PRELID2: variants seen among roughly 807,000 people sequenced by gnomAD.
PRELID2 encodes the protein PRELI domain containing 2.
Under a neutral mutation model 28.4 loss-of-function variants are expected in PRELID2, and 25 were observed. The ratio of observed to expected loss-of-function variants is 0.88; its 90% confidence interval spans 0.64 to 1.23. PRELID2 has a LOEUF of 1.23. Ranked by LOEUF, PRELID2 falls within the 50% of genes most tolerant of loss-of-function variation. The pLI is 0.00. For missense variants in PRELID2, 201 were observed against 214.4 expected, an observed-to-expected ratio of 0.94 and a Z score of 0.39; for synonymous variants, 76 against 71.6, an observed-to-expected ratio of 1.06 and a Z score of -0.31.
the PRELID2 span, among the ~76,000 whole-genome samples, chr5:145,323,755 G>A: frequency 1.3e-5 from 2 of 152,030 alleles, no homozygotes; most frequent in Non-Finnish European, 2.9e-5. Flanking sequence ...TAGGATAATG[G>A]CCTCCAGCTC....
chr5:145,255,809 T>C, the PRELID2 span, among the ~76,000 whole-genome samples: 1 of 149,516 alleles, frequency 6.7e-6, no homozygotes, highest in Admixed American at 6.7e-5. Context: ...TTATTAAAAC[T>C]TAAACACAGA....
rs552746530 is a variant in PRELID2 at position 145,596,099 on chromosome 5, C to CAAAAAAAAAAAAAAAA, written n.71-122800_71-122785dup. ...TGGGTGACAGAGTGAGAGCCTGTCTCAAAAAAAAAAAAAAAAAAAAGTCTG... is the reference window on the plus strand; with the variant it reads ...TGGGTGACAGAGTGAGAGCCTGTCTCAAAAAAAAAAAAAAAAAAAAAAAAAAAAAAAAAAAAGTCTG... On this transcript the variant is annotated intron_variant and non_coding_transcript_variant, in intron 1 of 2. Transcript: ENST00000510259. 6.8e-4 allele frequency among the ~76,000 whole-genome samples: 30 copies of CAAAAAAAAAAAAAAAA among 43,962 alleles called. 1 individual carries two copies. The highest frequency in any genetic ancestry group is 2.3e-3 in the African/African-American group (24 of 10,396). 28.8% of individuals were successfully genotyped at this position (43,962 alleles called of 152,430 possible).
At position 145,518,092 on chromosome 5, in the gene PRELID2, T is replaced by C. The variant is rs372074068; in HGVS notation, n.71-44777A>G. The stretch of plus-strand genomic sequence containing the variant: ...CCACCATGGCACATGTATCCCTATG[T>C]AACAAACCTGCACATTTTGCAAATG... On this transcript the variant is annotated intron_variant and non_coding_transcript_variant, in intron 1 of 2. Coordinates refer to the PRELID2 transcript ENST00000510259. Among the ~76,000 whole-genome samples the C allele has an allele frequency of 6.6e-5, 10 of 151,540 alleles. No homozygotes were observed. The East Asian group carries it at 1.6e-3, about 24-fold the overall frequency.
intron 1 of PRELID2, among the ~76,000 whole-genome samples, chr5:145,737,002 G>C (rs963140027): frequency 6.6e-6 from 1 of 152,080 alleles, no homozygotes; most frequent in Non-Finnish European, 1.5e-5. Flanking sequence ...GAATTATTTA[G>C]AGGGTGGTGA....
intron 1 of PRELID2, among the ~76,000 whole-genome samples, chr5:145,726,283 C>CAGAA (rs929308519): frequency 3.0e-5 from 4 of 133,756 alleles, no homozygotes; most frequent in African/African-American, 1.2e-4. Context: ...GAGAAAGAGA[C>CAGAA]AGAAAGAAAG....
the PRELID2 span, among the ~76,000 whole-genome samples, chr5:145,414,604 T>C: frequency 4.6e-5 from 7 of 152,242 alleles, no homozygotes; most frequent in African/African-American, 7.2e-5. Context: ...AGATATATAG[T>C]AGGCCTTCAA....
the PRELID2 span, among the ~76,000 whole-genome samples, chr5:145,315,887 C>T: frequency 1.2e-4 from 18 of 152,242 alleles, 1 homozygote; most frequent in Admixed American, 9.8e-4. Context: ...TAAACATATA[C>T]AATTTTGTAT....
At chr5:145,809,346 C>G (rs1180066753) in intron 4 of PRELID2, among the ~76,000 whole-genome samples, 2 of 151,632 alleles carry the variant, frequency 1.3e-5, no homozygotes, top group African/African-American at 4.8e-5. Flanking sequence ...CCGGCCCCTT[C>G]ATCAAGTCTT....
At chr5:145,250,645 TG>T in the PRELID2 span, among the ~76,000 whole-genome samples, 2 of 152,164 alleles carry the variant, frequency 1.3e-5, no homozygotes, top group Admixed American at 6.6e-5. Context: ...GGTTAATAAG[TG>T]GAATAAAGGT....
At chr5:145,608,721 G>A (rs934261576) in intron 1 of PRELID2, among the ~76,000 whole-genome samples, 2 of 152,036 alleles carry the variant, frequency 1.3e-5, no homozygotes, top group African/African-American at 2.4e-5. Flanking sequence ...TGTGTCTTAG[G>A]GATGGTCATC....
chr5:145,710,751 A>G (rs1755671293), intron 1 of PRELID2, among the ~76,000 whole-genome samples: 1 of 152,236 alleles, frequency 6.6e-6, no homozygotes, highest in Admixed American at 6.5e-5. Context: ...TTTCATCTGC[A>G]TGCCAAGTAG....
chr5:145,244,191 G>A, the PRELID2 span, among the ~76,000 whole-genome samples: 1 of 152,060 alleles, frequency 6.6e-6, no homozygotes, highest in Non-Finnish European at 1.5e-5. Flanking sequence ...CTGACTTCAA[G>A]TGATCCACCC....
At chr5:145,681,046 G>T (rs1754925052) in intron 1 of PRELID2, among the ~76,000 whole-genome samples, 1 of 152,202 alleles carries the variant, frequency 6.6e-6, no homozygotes, top group Non-Finnish European at 1.5e-5. Context: ...GCTGGGGTTG[G>T]GATGCTTCTG....
the PRELID2 span, among the ~76,000 whole-genome samples, chr5:145,433,691 G>A: frequency 6.6e-6 from 1 of 152,042 alleles, no homozygotes; most frequent in Non-Finnish European, 1.5e-5. Context: ...CACCAGCAGA[G>A]GTTGGCCAGC....
chr5:145,532,859 C>T (rs1752666541), intron 1 of PRELID2, among the ~76,000 whole-genome samples: 1 of 152,150 alleles, frequency 6.6e-6, no homozygotes, highest in South Asian at 2.1e-4. Flanking sequence ...TATCCATTCA[C>T]CTGTCGATGC....
At chr5:145,621,161 T>A (rs1753768841) in intron 1 of PRELID2, among the ~76,000 whole-genome samples, 1 of 152,186 alleles carries the variant, frequency 6.6e-6, no homozygotes, top group Admixed American at 6.5e-5. Flanking sequence ...GATATACAAA[T>A]GGCTAAGAAG....
At chr5:145,651,266 G>A (rs920879892) in intron 1 of PRELID2, among the ~76,000 whole-genome samples, 5 of 152,178 alleles carry the variant, frequency 3.3e-5, no homozygotes, top group South Asian at 4.1e-4. Context: ...CTGGAAGCTC[G>A]AACTGGGTGG....
the PRELID2 span, among the ~76,000 whole-genome samples, chr5:145,402,351 A>G: frequency 6.6e-6 from 1 of 152,206 alleles, no homozygotes; most frequent in Non-Finnish European, 1.5e-5. Flanking sequence ...GAGATACTTA[A>G]GCACTCATAC....
At chr5:145,333,919 A>T in the PRELID2 span, among the ~76,000 whole-genome samples, 1 of 151,918 alleles carries the variant, frequency 6.6e-6, no homozygotes, top group East Asian at 1.9e-4. Flanking sequence ...GTAGGCACCC[A>T]AGGGAATCTC....
Sources: gnomAD v4.1 joint callset for allele counts (sites outside exome capture counted in the v4.1 genomes callset) on GRCh38, gnomAD v4.1.1 for gene constraint, MANE v1.5 for transcripts, NCBI Gene and HGNC (gene_info 2026-07-23, HGNC 2026-07-21) for gene names.